The following ADRA1B variants were observed in gnomAD, a reference collection of about 807,000 sequenced individuals.
ADRA1B encodes adrenoceptor alpha 1B.
Under a neutral mutation model 17.9 loss-of-function variants are expected in ADRA1B, and 17 were observed. The ratio of observed to expected loss-of-function variants is 0.95; its 90% CI spans 0.65 to 1.42. The LOEUF is 1.42. ADRA1B is among the 40% of genes most tolerant of loss of function. The pLI is 0.00. For synonymous variants in ADRA1B, 366 were observed against 327.6 expected (o/e 1.12, Z -1.27); for missense variants, 681 against 722.1 (o/e 0.94, Z 0.65).
intron 1 of ADRA1B, among the ~76,000 whole-genome samples, chr5:159,930,498 G>A (rs1462827538): frequency 1.3e-5 from 2 of 152,220 alleles, no homozygotes; most frequent in Non-Finnish European, 2.9e-5. Context: ...AGAATCGCTT[G>A]TACGCAGGAG....
At chr5:159,888,528 A>G (rs1353780745) in intron 1 of ADRA1B, 1 of 152,214 alleles carries the variant, frequency 6.6e-6, no homozygotes, top group Non-Finnish European at 1.5e-5. Context: ...GTCAGGAAGC[A>G]AGAAGCATAT....
At chr5:159,960,684 G>T (rs971782516) in intron 1 of ADRA1B, among the ~76,000 whole-genome samples, 1 of 147,480 alleles carries the variant, frequency 6.8e-6, no homozygotes, top group African/African-American at 2.5e-5. Context: ...TCCAGCCTGG[G>T]CAATACAGAA....
intron 1 of ADRA1B, among the ~76,000 whole-genome samples, chr5:159,945,753 T>G (rs1755252052): frequency 9.3e-6 from 1 of 107,034 alleles, no homozygotes; most frequent in South Asian, 3.3e-4. Flanking sequence ...TGTTTGTTTG[T>G]TTTTTTTTTT....
the ADRA1B span, among the ~76,000 whole-genome samples, chr5:159,986,391 C>T: frequency 3.3e-5 from 5 of 152,210 alleles, no homozygotes; most frequent in Non-Finnish European, 5.9e-5. Flanking sequence ...GTATATCCAA[C>T]CTAGACAGAA....
the ADRA1B span, among the ~76,000 whole-genome samples, chr5:159,981,447 C>T: frequency 1.3e-5 from 2 of 152,172 alleles, no homozygotes; most frequent in Non-Finnish European, 2.9e-5. Flanking sequence ...CCCATATTTA[C>T]AAAATGTACT....
upstream of ADRA1B, among the ~76,000 whole-genome samples, chr5:159,914,542 A>G (rs1484694046): frequency 5.3e-5 from 8 of 152,180 alleles, no homozygotes; most frequent in Non-Finnish European, 1.2e-4. Flanking sequence ...ATAGAAAATA[A>G]TCCATTTTCA....
chr5:159,953,311 T>A (rs1258902527), intron 1 of ADRA1B, among the ~76,000 whole-genome samples: 3 of 152,134 alleles, frequency 2.0e-5, no homozygotes, highest in Admixed American at 6.5e-5. Context: ...AGTGAGCCGA[T>A]CGTGCCACCG....
At chr5:159,964,909 G>A (rs1755746059) in intron 1 of ADRA1B, among the ~76,000 whole-genome samples, 2 of 152,108 alleles carry the variant, frequency 1.3e-5, no homozygotes, top group Admixed American at 1.3e-4. Flanking sequence ...CTTTCAATGT[G>A]CCAGGTACTT....
At chr5:159,963,307 T>TATATATATATATATATATATATAA (rs2113285157) in intron 1 of ADRA1B, among the ~76,000 whole-genome samples, 1 of 150,716 alleles carries the variant, frequency 6.6e-6, no homozygotes, top group East Asian at 1.9e-4. Context: ...TATATATATA[T>TATATATATATATATATATATATAA]ATCCACACAC....
At chr5:159,870,603 T>C (rs1296991906) in intron 1 of ADRA1B, 4 of 152,110 alleles carry the variant, frequency 2.6e-5, no homozygotes, top group Non-Finnish European at 5.9e-5. Context: ...TGGAGGGAAA[T>C]GCTATGGAAT....
intron 1 of ADRA1B, among the ~76,000 whole-genome samples, chr5:159,955,916 C>T (rs1181759550): frequency 6.6e-6 from 1 of 151,484 alleles, no homozygotes; most frequent in East Asian, 2.0e-4. Flanking sequence ...CTCAATCTTT[C>T]TCTTTGTCTC....
At chr5:159,987,074 C>G in the ADRA1B span, among the ~76,000 whole-genome samples, 3 of 152,224 alleles carry the variant, frequency 2.0e-5, no homozygotes, top group African/African-American at 4.8e-5. Flanking sequence ...AACGTCCACA[C>G]CCTGCCCCCA....
At chr5:159,953,562 C>T (rs1247678706) in intron 1 of ADRA1B, among the ~76,000 whole-genome samples, 3 of 152,148 alleles carry the variant, frequency 2.0e-5, no homozygotes, top group Non-Finnish European at 2.9e-5. Context: ...GGGCCAGTAG[C>T]TCTGGGTCGG....
At chr5:159,983,205 G>A in the ADRA1B span, among the ~76,000 whole-genome samples, 6 of 152,182 alleles carry the variant, frequency 3.9e-5, no homozygotes, top group Non-Finnish European at 7.4e-5. Flanking sequence ...ACAGGACAGA[G>A]TGAGCAGGAC....
Position 159,972,082 on chromosome 5 carries a change from G to GCCTACA in ADRA1B, c.1159_1164dup (p.Thr387_Tyr388dup). The GCCTACA allele has an allele frequency of 7.7e-7, 1 of 1,301,622 alleles. No homozygotes were observed. The highest frequency in any genetic ancestry group is 3.3e-5 in the East Asian group (1 of 30,534). The allele number at this position is 1,301,622 out of a possible 1,614,324, so 80.6% of individuals were successfully genotyped here. ...CCGCCGCCGTCGCCTGGGCGGCTGC[G>GCCTACA]CCTACACCTACCGGCCGTGGACGCG... On this transcript the variant is annotated inframe_insertion, in exon 2 of 2. Coordinates refer to ENST00000306675, the MANE Select transcript of ADRA1B (RefSeq NM_000679.4).
chr5:159,988,316 T>C, the ADRA1B span, among the ~76,000 whole-genome samples: 6 of 152,350 alleles, frequency 3.9e-5, no homozygotes, highest in Non-Finnish European at 8.8e-5. Context: ...ATCCCACTGC[T>C]GACACCTTGA....
At chr5:159,930,507 A>T (rs77594542) in intron 1 of ADRA1B, among the ~76,000 whole-genome samples, 21,891 of 152,222 alleles carry the variant, frequency 0.14, 1,954 homozygotes, top group East Asian at 0.34. Flanking sequence ...TGTACGCAGG[A>T]GGCGGAGGTT....
chr5:159,913,586 A>T (rs1375673550), upstream of ADRA1B, among the ~76,000 whole-genome samples: 1 of 152,250 alleles, frequency 6.6e-6, no homozygotes. Context: ...GAATCAAGAC[A>T]TAAGTTCTCA....
intron 1 of ADRA1B, among the ~76,000 whole-genome samples, chr5:159,924,971 C>A (rs1754603590): frequency 6.6e-6 from 1 of 152,182 alleles, no homozygotes; most frequent in South Asian, 2.1e-4. Flanking sequence ...CTCATTTATA[C>A]CTGTCCACAG....
Sources: allele counts gnomAD v4.1 joint callset (sites outside exome capture counted in the v4.1 genomes callset), GRCh38; gene constraint gnomAD v4.1.1; transcripts MANE v1.5; gene names NCBI Gene and HGNC (gene_info 2026-07-23, HGNC 2026-07-21).